Variants in C14orf39 observed in about 807,000 individuals in gnomAD.
C14orf39 encodes chromosome 14 open reading frame 39, also known as protein SIX6OS1.
A neutral mutation model predicts 85.6 loss-of-function variants in C14orf39; 66 were observed. The ratio of observed to expected loss-of-function variants is 0.77; its 90% CI spans 0.63 to 0.95. The LOEUF is 0.95. Among genes scored for constraint, C14orf39 ranks in the 40% least tolerant of loss-of-function variants. C14orf39 has a pLI of 0.00. For synonymous variants in C14orf39, 242 were observed against 214.0 expected (o/e 1.13, Z -1.14); for missense variants, 735 against 663.9 (o/e 1.11, Z -1.18).
Position 60,503,442 on chromosome 14 carries a change from C to A in C14orf39, c.-143-4012G>T, listed in dbSNP as rs752579483. 1.1e-4 allele frequency among the ~76,000 whole-genome samples: 16 copies of A among 152,228 alleles called. 1 individual carries two copies. In the Middle Eastern group the frequency reaches 0.024, roughly 227 times the overall value. On this transcript the variant is annotated intron_variant, in intron 1 of 5. Coordinates refer to the C14orf39 transcript ENST00000556799. ...TTTGTGTGTGATACAGAACTGCCCT[C>A]AAACTCAATTGGAATTAAATTATTT...
In C14orf39 at chr14:60,515,348, A is replaced by AG; in HGVS notation, c.-144+46dup. On this transcript the variant is annotated intron_variant, in intron 1 of 5. Coordinates refer to the C14orf39 transcript ENST00000556799. The surrounding 1 kb of genome is among the most constrained non-coding windows in gnomAD (Gnocchi z 6.2). ...GCCCAGATCTCCCCACGGAGGCCAC[A>AG]GATCTGGGTCCCCGAGGAAGGAGAG... 1 of 151,756 alleles carries AG rather than the reference A, an allele frequency of 6.6e-6. No homozygotes were observed. The highest frequency in any genetic ancestry group is 2.0e-4 in the East Asian group (1 of 5,002). The allele number at this position is 151,756 out of a possible 1,614,324, so 9.4% of individuals were successfully genotyped here.
At chr14:60,465,914 ACATT>A in intron 11 of C14orf39, 61 bp downstream of exon 11, 1 of 775,980 alleles carries the variant, frequency 1.3e-6, no homozygotes, top group South Asian at 2.1e-5. Context: ...TAAGGGCAGT[ACATT>A]CATTATTACA....
chr14:60,514,265 G>A (rs1893331729), intron 1 of C14orf39, among the ~76,000 whole-genome samples: 1 of 152,162 alleles, frequency 6.6e-6, no homozygotes, highest in Non-Finnish European at 1.5e-5. Flanking sequence ...TGGCAAGGCT[G>A]AAGGTTTCTG....
intron 1 of C14orf39, chr14:60,509,796 A>C (rs1893262649): frequency 1.9e-6 from 3 of 1,613,306 alleles, no homozygotes; most frequent in Non-Finnish European, 2.5e-6. Flanking sequence ...CAGAAGACAC[A>C]CTGCTTCAAG....
At chr14:60,478,279 A>G in intron 5 of C14orf39, 21 bp downstream of exon 5, 2 of 1,234,886 alleles carry the variant, frequency 1.6e-6, no homozygotes, top group Non-Finnish European at 2.2e-6. Flanking sequence ...AGAATTGATA[A>G]ACTTCATATA....
chr14:60,507,592 T>C (rs1893221857), intron 1 of C14orf39, among the ~76,000 whole-genome samples: 1 of 152,342 alleles, frequency 6.6e-6, no homozygotes, highest in South Asian at 2.1e-4. Flanking sequence ...GCTATTTTTT[T>C]CGAGTGAACT....
upstream of C14orf39, among the ~76,000 whole-genome samples, chr14:60,489,436 A>C (rs1223775575): frequency 6.6e-6 from 1 of 152,238 alleles, no homozygotes; most frequent in African/African-American, 2.4e-5. Flanking sequence ...AAATAAAATA[A>C]TTTCTATAAA....
intron 3 of C14orf39, 90 bp from the exon 4 acceptor site, chr14:60,483,907 C>T: frequency 1.2e-6 from 1 of 850,244 alleles, no homozygotes; most frequent in Admixed American, 3.2e-5. Flanking sequence ...GGCAGCTTAC[C>T]TAAAAGGAAG....
upstream of C14orf39, among the ~76,000 whole-genome samples, chr14:60,486,667 T>C (rs1275821432): frequency 6.6e-6 from 1 of 152,236 alleles, no homozygotes; most frequent in Non-Finnish European, 1.5e-5. Flanking sequence ...TCCTCCAAAG[T>C]GCCTCAATCC....
At chr14:60,513,592 G>A (rs916460019) in intron 1 of C14orf39, among the ~76,000 whole-genome samples, 1 of 152,166 alleles carries the variant, frequency 6.6e-6, no homozygotes, top group Non-Finnish European at 1.5e-5. Context: ...GTTTGGAGAA[G>A]TTTGTTGGCA....
intron 14 of C14orf39, among the ~76,000 whole-genome samples, chr14:60,457,625 ATATGCTTGT>A (rs1054771396): frequency 1.6e-4 from 25 of 152,010 alleles, no homozygotes; most frequent in African/African-American, 5.5e-4. Context: ...GATTTCTCAA[ATATGCTTGT>A]TATGCCAAAT....
intron 16 of C14orf39, among the ~76,000 whole-genome samples, chr14:60,451,785 A>G (rs1891047891): frequency 6.6e-6 from 1 of 152,150 alleles, no homozygotes; most frequent in African/African-American, 2.4e-5. Flanking sequence ...ATGTATACAT[A>G]CGTAACAAAC....
chr14:60,501,731 A>G (rs1207237257), intron 1 of C14orf39, among the ~76,000 whole-genome samples: 5 of 152,240 alleles, frequency 3.3e-5, no homozygotes, highest in Admixed American at 2.6e-4. Flanking sequence ...AGGAAGGCCT[A>G]CTTCAAAATA....
Position 60,478,311 on chromosome 14 carries a change from A to C in C14orf39, c.312T>G (p.Val104=), listed in dbSNP as rs940682192. 25 of 1,549,174 alleles carry C rather than the reference A, an allele frequency of 1.6e-5. No individual in the cohort carries two copies. Among genetic ancestry groups the C allele is most frequent in the Non-Finnish European group, 2.2e-5 (25 of 1,145,824 alleles). The change falls in exon 5 of 18, where the codon GTT becomes GTG. Residue 104 remains valine (V), a synonymous_variant. Coordinates refer to ENST00000321731, the MANE Select transcript of C14orf39 (RefSeq NM_174978.3). ...QDQFTVYQGT[V]EKDKEMYHDY... ...TATAAGTACTATACTTGTCTTTTTCAACAGTTCCTTGATAAACAGTAAATT... is the reference window on the plus strand; with the variant it reads ...TATAAGTACTATACTTGTCTTTTTCCACAGTTCCTTGATAAACAGTAAATT...
intron 16 of C14orf39, among the ~76,000 whole-genome samples, chr14:60,451,637 T>C (rs900259757): frequency 1.5e-5 from 2 of 137,230 alleles, no homozygotes; most frequent in Admixed American, 1.6e-4. Context: ...AATTGAACAA[T>C]GAGAACTCTT....
rs763599302 is a variant in C14orf39, at chr14:60,471,468, T to A, written c.512-9A>T. On this transcript the variant is annotated splice_polypyrimidine_tract_variant and intron_variant, in intron 6 of 17. Transcript: ENST00000321731. ...TGGAAAGGGAGCAGGCACTGAAAAA[T>A]AAAGTCACAGCATAAGCTGATTATT... is the stretch of plus-strand genomic sequence containing the variant. 1 of 1,599,074 alleles carries A rather than the reference T, an allele frequency of 6.3e-7. No individual in the cohort carries two copies. The highest frequency in any genetic ancestry group is 1.3e-5 in the African/African-American group (1 of 74,146).
chr14:60,442,189 T>C (rs1208882816), intron 16 of C14orf39, 58 bp from the exon 17 acceptor site: 3 of 1,068,490 alleles, frequency 2.8e-6, no homozygotes, highest in Non-Finnish European at 4.2e-6. Context: ...GTATATATAG[T>C]ACATATATTT....
chr14:60,436,449 C>T lies in C14orf39; in HGVS notation c.*396G>A, dbSNP rs758336732. 2.2e-4 allele frequency: 34 copies of T among 155,826 alleles called. No individual in the cohort carries two copies. The highest frequency in any genetic ancestry group is 2.0e-4 in the South Asian group (1 of 5,008). The allele number at this position is 155,826 out of a possible 1,614,324, so 9.7% of individuals were successfully genotyped here. A position where few individuals can be genotyped will look rare whatever the true frequency, so the allele number is the denominator to read the frequency against. On this transcript the variant is annotated 3_prime_UTR_variant, in exon 18 of 18. Transcript: ENST00000321731. ...ATAGAAATTTTTAGTAGCTAAAGTA[C>T]GCTTCAGCACTAACTCTGGAGTTAC... is the stretch of plus-strand genomic sequence containing the variant.
intron 7 of C14orf39, among the ~76,000 whole-genome samples, chr14:60,470,703 A>T (rs1480667428): frequency 6.6e-6 from 1 of 151,984 alleles, no homozygotes; most frequent in Non-Finnish European, 1.5e-5. Context: ...GGAAAAAGCT[A>T]GCAGCAGAAG....
Sources: allele counts gnomAD v4.1 joint callset (sites outside exome capture counted in the v4.1 genomes callset), GRCh38; gene constraint gnomAD v4.1.1; non-coding constraint Gnocchi (gnomAD v3.1); transcripts MANE v1.5; gene names NCBI Gene and HGNC (gene_info 2026-07-23, HGNC 2026-07-21).